Variants in GNAO1 observed in about 807,000 individuals in gnomAD.
GNAO1 encodes the protein G protein subunit alpha o1, also known as guanine nucleotide-binding protein G(o) subunit alpha.
For synonymous variants in GNAO1, 164 were observed against 180.7 expected, an observed-to-expected ratio of 0.91 and a Z score of 0.74; for missense variants, 166 against 478.7, an observed-to-expected ratio of 0.35 and a Z score of 6.10.
At chr16:56,328,866 G>A (rs1218179337) in intron 4 of GNAO1, 75 bp downstream of exon 4, 20 of 1,463,526 alleles carry the variant, frequency 1.4e-5, no homozygotes, top group Non-Finnish European at 1.8e-5. Context: ...GATGGGGATT[G>A]GCAGAGCAAG....
At chr16:56,201,302 G>A (rs1480931520) in intron 2 of GNAO1, among the ~76,000 whole-genome samples, 1 of 152,258 alleles carries the variant, frequency 6.6e-6, no homozygotes, top group Admixed American at 6.5e-5. Context: ...ATGCCAGGCA[G>A]AGGGACTGGC....
chr16:56,267,276 G>T (rs758399128), intron 2 of GNAO1, among the ~76,000 whole-genome samples: 33 of 152,152 alleles, frequency 2.2e-4, no homozygotes, highest in Non-Finnish European at 4.4e-4. Context: ...CGGTGTTGGT[G>T]ACATTTCCCC....
chr16:56,355,515 C>T (rs1252252319), intron 8 of GNAO1: 1 of 152,450 alleles, frequency 6.6e-6, no homozygotes, highest in African/African-American at 2.4e-5. Context: ...CTTAGAGCCT[C>T]TGCGCCCTCA....
chr16:56,239,401 G>A (rs2036672600), intron 2 of GNAO1, among the ~76,000 whole-genome samples: 2 of 152,280 alleles, frequency 1.3e-5, no homozygotes, highest in South Asian at 4.1e-4. Flanking sequence ...TTAATAAAAG[G>A]CCACTTGGGT....
chr16:56,290,471 C>A (rs1339069648), intron 3 of GNAO1, among the ~76,000 whole-genome samples: 1 of 152,188 alleles, frequency 6.6e-6, no homozygotes, highest in Non-Finnish European at 1.5e-5. Context: ...TGGCCCATTG[C>A]TTTCTGTATG....
At chr16:56,220,509 T>A (rs2036474458) in intron 2 of GNAO1, among the ~76,000 whole-genome samples, 1 of 152,184 alleles carries the variant, frequency 6.6e-6, no homozygotes, top group Non-Finnish European at 1.5e-5. Flanking sequence ...CAAACCCCTA[T>A]GAGAAACTGA....
At chr16:56,224,965 A>C (rs547499967) in intron 2 of GNAO1, among the ~76,000 whole-genome samples, 1 of 152,308 alleles carries the variant, frequency 6.6e-6, no homozygotes, top group East Asian at 1.9e-4. Flanking sequence ...CTGTCATTCC[A>C]AGGGCTTCTG....
rs377145312 is a variant in GNAO1 at position 56,351,375 on chromosome 16, C to T, written c.724-9C>T. The T allele has an allele frequency of 1.6e-4, 254 of 1,607,466 alleles. 1 individual carries two copies. The African/African-American group carries it at 2.4e-3, about 15-fold the overall frequency. On this transcript the variant is annotated splice_polypyrimidine_tract_variant and intron_variant, in intron 6 of 8. Coordinates refer to ENST00000262493, the MANE Select transcript of GNAO1 (RefSeq NM_020988.3). The surrounding 1 kb of genome is among the most constrained non-coding windows in gnomAD (Gnocchi z 6.1). ...GTCTGTCCTCTCTCCTCCCTTCCTG[C>T]GGCCGCAGAACCGCATGCACGAGTC...
chr16:56,291,123 G>T (rs1426940589), intron 3 of GNAO1, among the ~76,000 whole-genome samples: 1 of 152,056 alleles, frequency 6.6e-6, no homozygotes, highest in African/African-American at 2.4e-5. Flanking sequence ...TTTCTCTTGG[G>T]TACATAACTA....
intron 2 of GNAO1, chr16:56,194,479 A>T: frequency 2.9e-6 from 1 of 341,450 alleles, no homozygotes; most frequent in Non-Finnish European, 5.8e-6. Context: ...CAGGCGTTGC[A>T]AGTGGTGGAC....
chr16:56,321,891 C>T (rs762090237), intron 3 of GNAO1, among the ~76,000 whole-genome samples: 14 of 152,236 alleles, frequency 9.2e-5, no homozygotes, highest in Non-Finnish European at 8.8e-5. Context: ...GACCTGGTAT[C>T]TTCATCCATT....
At chr16:56,235,921 G>A (rs1287268304) in intron 2 of GNAO1, among the ~76,000 whole-genome samples, 2 of 152,332 alleles carry the variant, frequency 1.3e-5, no homozygotes, top group Non-Finnish European at 2.9e-5. Flanking sequence ...GGCATTTTAT[G>A]TACACGACTT....
chr16:56,275,117 T>C (rs1357587214), intron 2 of GNAO1, among the ~76,000 whole-genome samples: 2 of 152,244 alleles, frequency 1.3e-5, no homozygotes, highest in Non-Finnish European at 2.9e-5. Flanking sequence ...TTTACATAGT[T>C]CATTGAGGGA....
intron 3 of GNAO1, among the ~76,000 whole-genome samples, chr16:56,286,695 CTGTGTGTGTGTGTGTGTGTG>C (rs57968280): frequency 1.4e-5 from 2 of 144,892 alleles, no homozygotes; most frequent in African/African-American, 5.1e-5. Flanking sequence ...TCTGTCGCCT[CTGTGTGTGTGTGTGTGTGTG>C]TGTGTGTGTG....
intron 2 of GNAO1, among the ~76,000 whole-genome samples, chr16:56,232,124 A>C (rs1261223638): frequency 6.6e-6 from 1 of 152,202 alleles, no homozygotes; most frequent in African/African-American, 2.4e-5. Flanking sequence ...TTTAAAAAAA[A>C]AAATGTTTCC....
At chr16:56,347,283 CCGCGGCCA>C (rs2037878908) in intron 6 of GNAO1, 2 of 985,334 alleles carry the variant, frequency 2.0e-6, no homozygotes, top group African/African-American at 3.5e-5. Flanking sequence ...GGCTCCAGCT[CCGCGGCCA>C]CCAGAGATTC....
chr16:56,323,930 G>T (rs1428791587), intron 3 of GNAO1, among the ~76,000 whole-genome samples: 1 of 152,112 alleles, frequency 6.6e-6, no homozygotes, highest in African/African-American at 2.4e-5. Context: ...AGGGCACTGG[G>T]CATGGGAAGG....
chr16:56,287,370 T>C (rs982895529), intron 3 of GNAO1, among the ~76,000 whole-genome samples: 3 of 152,260 alleles, frequency 2.0e-5, no homozygotes, highest in African/African-American at 7.2e-5. Flanking sequence ...ATCCTGGCCC[T>C]GCCCTCTGCC....
intron 2 of GNAO1, among the ~76,000 whole-genome samples, chr16:56,240,908 AAGG>A (rs1277114489): frequency 1.3e-5 from 2 of 152,052 alleles, no homozygotes; most frequent in African/African-American, 4.8e-5. Context: ...CCCGATGGAG[AAGG>A]AGAAGGCAGG....
Sources: gnomAD v4.1 joint callset for allele counts (sites outside exome capture counted in the v4.1 genomes callset) on GRCh38, gnomAD v4.1.1 for gene constraint, Gnocchi (gnomAD v3.1) non-coding constraint, MANE v1.5 for transcripts, NCBI Gene and HGNC (gene_info 2026-07-23, HGNC 2026-07-21) for gene names.